SCML4: variants seen among roughly 807,000 people sequenced by gnomAD.
SCML4 encodes the protein sex comb on midleg-like protein 4.
In SCML4, 34 loss-of-function variants were observed where a neutral mutation model predicts 41.1. The ratio of observed to expected loss-of-function variants is 0.83; its 90% confidence interval spans 0.63 to 1.10. SCML4 has a LOEUF of 1.10. SCML4 is among the 50% of genes least tolerant of loss of function. The pLI is 0.00. For synonymous variants in SCML4, 214 were observed against 220.9 expected (o/e 0.97, Z 0.28); for missense variants, 522 against 534.1 (o/e 0.98, Z 0.22).
intron 5 of SCML4, among the ~76,000 whole-genome samples, chr6:107,723,205 T>C (rs1236014411): frequency 6.6e-6 from 1 of 152,210 alleles, no homozygotes; most frequent in Non-Finnish European, 1.5e-5. Context: ...TCCCAATAAA[T>C]TTATCATAAG....
At chr6:107,750,056 G>A (rs1778486664) in intron 2 of SCML4, among the ~76,000 whole-genome samples, 1 of 152,206 alleles carries the variant, frequency 6.6e-6, no homozygotes, top group Non-Finnish European at 1.5e-5. Context: ...GACAGTGTCA[G>A]GCAGTGAGTG....
intron 2 of SCML4, among the ~76,000 whole-genome samples, chr6:107,765,928 T>A (rs1170537008): frequency 6.6e-6 from 1 of 152,248 alleles, no homozygotes; most frequent in African/African-American, 2.4e-5. Flanking sequence ...TAAAAGCATG[T>A]CATGTCTATA....
chr6:107,775,988 A>C (rs1001764695), intron 1 of SCML4, among the ~76,000 whole-genome samples: 2 of 152,122 alleles, frequency 1.3e-5, no homozygotes, highest in South Asian at 4.1e-4. Flanking sequence ...ATTTTAAAAA[A>C]ATATTTTTAG....
rs1184200108 is a variant in SCML4 at position 107,824,151 on chromosome 6, A to T, written c.-85T>A. 2 of 152,230 alleles carry T rather than the reference A, an allele frequency of 1.3e-5. No homozygotes were observed. The highest frequency in any genetic ancestry group is 2.9e-5 in the Non-Finnish European group (2 of 68,048). 9.4% of individuals were successfully genotyped at this position (152,230 alleles called of 1,614,324 possible). On this transcript the variant is annotated 5_prime_UTR_variant, in exon 1 of 8. Transcript: ENST00000369020. ...CTACAGCTTGTTCACCAGAGCCCTG[A>T]GCAGGTTGTTTACCAGGTCGGGAGT...
chr6:107,765,916 C>T (rs1779996573), intron 2 of SCML4, among the ~76,000 whole-genome samples: 1 of 152,182 alleles, frequency 6.6e-6, no homozygotes, highest in African/African-American at 2.4e-5. Flanking sequence ...GCAGATTAAA[C>T]TTAAAAGCAT....
chr6:107,836,758 CA>C, the SCML4 span, among the ~76,000 whole-genome samples: 112 of 150,932 alleles, frequency 7.4e-4, no homozygotes, highest in Middle Eastern at 0.01. Flanking sequence ...TCCCATTTCT[CA>C]AAAAAAAAGA....
intron 2 of SCML4, among the ~76,000 whole-genome samples, chr6:107,766,095 G>A (rs1171374851): frequency 6.6e-6 from 1 of 152,196 alleles, no homozygotes; most frequent in Non-Finnish European, 1.5e-5. Context: ...GGTTGGCCGG[G>A]TGCAGTCCTC....
chr6:107,791,467 C>A (rs756142936), intron 1 of SCML4, among the ~76,000 whole-genome samples: 2 of 151,858 alleles, frequency 1.3e-5, no homozygotes, highest in Non-Finnish European at 1.5e-5. Flanking sequence ...GTCTGAGAAA[C>A]CTAGGAAAGA....
At chr6:107,804,789 C>CTCA (rs1453742573) in intron 1 of SCML4, among the ~76,000 whole-genome samples, 14 of 152,062 alleles carry the variant, frequency 9.2e-5, no homozygotes, top group Admixed American at 3.9e-4. Flanking sequence ...CCAGCCTGGG[C>CTCA]AACATAGTGA....
At chr6:107,782,169 C>T (rs906225093) in intron 1 of SCML4, among the ~76,000 whole-genome samples, 1 of 152,208 alleles carries the variant, frequency 6.6e-6, no homozygotes, top group African/African-American at 2.4e-5. Context: ...GATTCGGAAA[C>T]GCTTTAGAAC....
chr6:107,805,742 C>T (rs1783675234), intron 1 of SCML4, among the ~76,000 whole-genome samples: 1 of 152,208 alleles, frequency 6.6e-6, no homozygotes, highest in Non-Finnish European at 1.5e-5. Context: ...ATGTGGTGAG[C>T]TGTTTTATAG....
intron 5 of SCML4, among the ~76,000 whole-genome samples, chr6:107,742,961 A>C (rs1470867383): frequency 6.6e-6 from 1 of 152,238 alleles, no homozygotes; most frequent in Non-Finnish European, 1.5e-5. Context: ...TATTAAAAGC[A>C]ATAATAGCTA....
intron 1 of SCML4, among the ~76,000 whole-genome samples, chr6:107,794,000 T>C (rs1458724902): frequency 6.6e-6 from 1 of 152,176 alleles, no homozygotes; most frequent in Non-Finnish European, 1.5e-5. Flanking sequence ...AAGGCCAGTA[T>C]AGAAAAAGAA....
intron 2 of SCML4, among the ~76,000 whole-genome samples, chr6:107,763,535 C>T (rs1429692415): frequency 6.6e-6 from 1 of 151,982 alleles, no homozygotes; most frequent in Non-Finnish European, 1.5e-5. Context: ...TATGGGCACC[C>T]GCCACCACAC....
intron 1 of SCML4, among the ~76,000 whole-genome samples, chr6:107,822,010 A>T (rs1050705405): frequency 5.9e-5 from 9 of 152,214 alleles, no homozygotes; most frequent in Non-Finnish European, 4.4e-5. Context: ...ATTCCTTGTT[A>T]TGATTTCAGG....
chr6:107,839,533 C>T, the SCML4 span, among the ~76,000 whole-genome samples: 6 of 152,098 alleles, frequency 3.9e-5, no homozygotes, highest in Non-Finnish European at 8.8e-5. Context: ...GTTGGAGGAA[C>T]AGAACAACTA....
chr6:107,705,379 G>A (rs1056818253), intron 7 of SCML4, 54 bp from the exon 8 acceptor site: 12 of 1,523,392 alleles, frequency 7.9e-6, no homozygotes, highest in South Asian at 6.0e-5. Context: ...CAGAGTCATC[G>A]AACAGTGGCT....
At chr6:107,817,806 T>C (rs1440007748) in intron 1 of SCML4, among the ~76,000 whole-genome samples, 1 of 151,920 alleles carries the variant, frequency 6.6e-6, no homozygotes, top group Admixed American at 6.6e-5. Context: ...CCCCACACAT[T>C]CTCACACATA....
intron 5 of SCML4, among the ~76,000 whole-genome samples, chr6:107,726,847 C>T (rs925566569): frequency 1.3e-5 from 2 of 152,288 alleles, no homozygotes; most frequent in Admixed American, 6.5e-5. Context: ...CAGCCTGGTA[C>T]TTCCTCAAAT....
Sources: allele counts gnomAD v4.1 joint callset (sites outside exome capture counted in the v4.1 genomes callset), GRCh38; gene constraint gnomAD v4.1.1; transcripts MANE v1.5; gene names NCBI Gene and HGNC (gene_info 2026-07-23, HGNC 2026-07-21).